The following RLN2 variants were observed in gnomAD, a reference collection of about 807,000 sequenced individuals.
The protein encoded by RLN2 is relaxin 2.
RLN2 carries 10 observed loss-of-function variants against 7.3 expected under a neutral mutation model. That is an observed-to-expected ratio of 1.36 (90% CI 0.84 to 2.31). The LOEUF (loss-of-function observed/expected upper bound fraction) is 2.31, where lower values mean the gene tolerates loss of function less well. Among genes scored for constraint, RLN2 ranks in the 30% most tolerant of loss-of-function variants. The pLI is 0.00. For missense variants in RLN2, 298 were observed against 217.6 expected, an observed-to-expected ratio of 1.37 and a Z score of -2.32; for synonymous variants, 103 against 82.3, an observed-to-expected ratio of 1.25 and a Z score of -1.36.
rs1816197205 is a variant in RLN2 at position 5,304,426 on chromosome 9, C to T, written c.155G>A (p.Trp52Ter). The T allele has an allele frequency of 9.3e-6, 15 of 1,612,020 alleles. No individual in the cohort carries two copies. The highest frequency in any genetic ancestry group is 1.2e-5 in the Non-Finnish European group (14 of 1,179,464). ...AQIAICGMST[W>*]SKRSLSQEDA... ...TTCCTGGCTCAGAGACCTTTTGCTCCAGGTGCTCATGCCGCAAATGGCAAT... is the reference window on the plus strand; with the variant it reads ...TTCCTGGCTCAGAGACCTTTTGCTCTAGGTGCTCATGCCGCAAATGGCAAT... Residue 52 changes from tryptophan to a stop codon, truncating the protein, a stop_gained, in exon 1 of 2, where the codon TGG becomes TAG. Coordinates refer to ENST00000381627, the MANE Select transcript of RLN2 (RefSeq NM_134441.3). LOFTEE classifies it high-confidence loss of function.
At chr9:5,307,156 G>T (rs1816265678), upstream of RLN2, among the ~76,000 whole-genome samples, 1 of 151,862 alleles carries the variant, frequency 6.6e-6, no homozygotes, top group South Asian at 2.1e-4. Context: ...GGGGTTGGAT[G>T]CTTTTTCTCA....
the RLN2 span, among the ~76,000 whole-genome samples, chr9:5,325,177 T>C: frequency 6.6e-6 from 1 of 151,944 alleles, no homozygotes; most frequent in Admixed American, 6.6e-5. Context: ...AGGTGGCCGA[T>C]AGGGGAATTT....
chr9:5,328,314 G>C, the RLN2 span, among the ~76,000 whole-genome samples: 4 of 152,062 alleles, frequency 2.6e-5, no homozygotes, highest in African/African-American at 9.7e-5. Flanking sequence ...GGATATCAGT[G>C]ATTGAAGATC....
At chr9:5,301,731 G>A (rs1275039438) in intron 1 of RLN2, among the ~76,000 whole-genome samples, 4 of 152,160 alleles carry the variant, frequency 2.6e-5, no homozygotes, top group African/African-American at 7.2e-5. Context: ...CCTAGACAGC[G>A]GTGGTTCTGG....
chr9:5,312,046 A>G, the RLN2 span, among the ~76,000 whole-genome samples: 2 of 151,944 alleles, frequency 1.3e-5, no homozygotes, highest in Non-Finnish European at 2.9e-5. Context: ...CACACAGAAC[A>G]CTTCATTGTT....
intron 1 of RLN2, among the ~76,000 whole-genome samples, 177 bp from the exon 2 acceptor site, chr9:5,300,621 C>G (rs1453645044): frequency 2.6e-5 from 4 of 152,136 alleles, no homozygotes; most frequent in South Asian, 2.1e-4. Context: ...AGTTGGACAC[C>G]TTAAAGTACC....
At chr9:5,311,604 T>G in the RLN2 span, 4 of 1,109,350 alleles carry the variant, frequency 3.6e-6, no homozygotes, top group African/African-American at 4.6e-5. Context: ...AAGATACCCA[T>G]AGGGAAAAAG....
chr9:5,324,930 T>G, the RLN2 span, among the ~76,000 whole-genome samples: 1 of 152,000 alleles, frequency 6.6e-6, no homozygotes, highest in Non-Finnish European at 1.5e-5. Flanking sequence ...ACGTAATTTT[T>G]CCAGAAATAT....
the RLN2 span, among the ~76,000 whole-genome samples, chr9:5,331,846 C>T: frequency 2.1e-4 from 32 of 152,030 alleles, no homozygotes; most frequent in Middle Eastern, 3.4e-3. Flanking sequence ...AATAAATAAA[C>T]TGGTGCAACC....
upstream of RLN2, among the ~76,000 whole-genome samples, chr9:5,308,039 T>C (rs1272287708): frequency 1.3e-5 from 2 of 151,718 alleles, no homozygotes; most frequent in African/African-American, 4.9e-5. Context: ...GTTTTTTTTC[T>C]AGTTTTTTTT....
chr9:5,302,718 C>G (rs1295489817), intron 1 of RLN2, among the ~76,000 whole-genome samples: 4 of 152,104 alleles, frequency 2.6e-5, no homozygotes, highest in Non-Finnish European at 5.9e-5. Context: ...TAGAAATAAA[C>G]TAAATATCCA....
chr9:5,329,195 CG>C, the RLN2 span, among the ~76,000 whole-genome samples: 121 of 148,170 alleles, frequency 8.2e-4, no homozygotes, highest in African/African-American at 2.9e-3. Flanking sequence ...CCCAGCTACT[CG>C]GGAGGCTGAG....
At chr9:5,317,734 G>T in the RLN2 span, among the ~76,000 whole-genome samples, 2 of 151,856 alleles carry the variant, frequency 1.3e-5, no homozygotes, top group South Asian at 2.1e-4. Flanking sequence ...ATGGGTAAAA[G>T]ACACAAATTA....
At chr9:5,301,616 T>G (rs1414623688) in intron 1 of RLN2, among the ~76,000 whole-genome samples, 1 of 151,750 alleles carries the variant, frequency 6.6e-6, no homozygotes, top group African/African-American at 2.4e-5. Flanking sequence ...GCATTACTCT[T>G]GAAATAATGA....
the RLN2 span, chr9:5,335,359 G>A: frequency 2.5e-6 from 4 of 1,613,346 alleles, no homozygotes; most frequent in East Asian, 6.7e-5. Flanking sequence ...CCAAGCCTAA[G>A]TATTTTAATT....
chr9:5,312,876 T>G, the RLN2 span, among the ~76,000 whole-genome samples: 1 of 152,080 alleles, frequency 6.6e-6, no homozygotes, highest in Non-Finnish European at 1.5e-5. Flanking sequence ...TTTTTGAATG[T>G]TCTGCAATTC....
At chr9:5,337,212 G>T in the RLN2 span, among the ~76,000 whole-genome samples, 5 of 152,022 alleles carry the variant, frequency 3.3e-5, no homozygotes, top group Non-Finnish European at 5.9e-5. Context: ...GTCTGTAGTT[G>T]CAGTCTTATT....
At chr9:5,334,749 A>T in the RLN2 span, among the ~76,000 whole-genome samples, 1 of 152,076 alleles carries the variant, frequency 6.6e-6, no homozygotes, top group Non-Finnish European at 1.5e-5. Flanking sequence ...AGGAAAAAAA[A>T]TACTTGAGTT....
At chr9:5,333,813 T>C in the RLN2 span, among the ~76,000 whole-genome samples, 1 of 152,050 alleles carries the variant, frequency 6.6e-6, no homozygotes, top group African/African-American at 2.4e-5. Context: ...TCAAAAAGCT[T>C]ATCCACCCCA....
Sources: allele counts gnomAD v4.1 joint callset (sites outside exome capture counted in the v4.1 genomes callset), GRCh38; gene constraint gnomAD v4.1.1; transcripts MANE v1.5; gene names NCBI Gene and HGNC (gene_info 2026-07-23, HGNC 2026-07-21).